CPVL: variants seen among roughly 807,000 people sequenced by gnomAD.
The protein encoded by CPVL is probable serine carboxypeptidase CPVL.
Under a neutral mutation model 63.7 loss-of-function variants are expected in CPVL, and 51 were observed. The observed-to-expected ratio is 0.80, with a 90% CI of 0.64 to 1.01. The LOEUF is 1.01. Ranked by LOEUF, CPVL falls within the 50% of genes least tolerant of loss-of-function variation. The pLI is 0.00. For synonymous variants in CPVL, 195 were observed against 206.0 expected (o/e 0.95, Z 0.46); for missense variants, 530 against 573.1 (o/e 0.92, Z 0.77).
chr7:29,020,731 C>T (rs1786878085), intron 12 of CPVL, among the ~76,000 whole-genome samples: 1 of 151,732 alleles, frequency 6.6e-6, no homozygotes, highest in African/African-American at 2.4e-5. Context: ...GGATAAAGCA[C>T]AAATTAATAA....
intron 1 of CPVL, among the ~76,000 whole-genome samples, chr7:29,127,154 C>T (rs1457043631): frequency 6.6e-6 from 1 of 152,150 alleles, no homozygotes. Context: ...ATAATATAAT[C>T]TGACACCACA....
chr7:29,085,300 C>T (rs1474443682), intron 7 of CPVL, among the ~76,000 whole-genome samples: 1 of 152,150 alleles, frequency 6.6e-6, no homozygotes, highest in Non-Finnish European at 1.5e-5. Context: ...CTAATGGGGA[C>T]CGGTCAAAAG....
rs1417889609 is a variant in CPVL, at chr7:28,995,360, CAAT to C, written c.*409_*411del. On this transcript the variant is annotated 3_prime_UTR_variant, in exon 13 of 13. Coordinates refer to ENST00000265394, the MANE Select transcript of CPVL (RefSeq NM_031311.5). ...TTGGGATAATTGAGCTATTCTTATC[CAAT>C]AATATTTCCAAACACCTTCACGGCA... 1 of 165,148 alleles carries C rather than the reference CAAT, an allele frequency of 6.1e-6. No homozygotes were observed. The highest frequency in any genetic ancestry group is 1.9e-4 in the East Asian group (1 of 5,342). 10.2% of individuals were successfully genotyped at this position (165,148 alleles called of 1,614,324 possible). A position where few individuals can be genotyped will look rare whatever the true frequency, so the allele number is the denominator to read the frequency against.
chr7:29,010,187 TA>T, intron 12 of CPVL: 1 of 152,082 alleles, frequency 6.6e-6, no homozygotes, highest in East Asian at 1.9e-4. Flanking sequence ...GGTTGCTGTA[TA>T]AAAAAATAAA....
At chr7:29,129,716 C>T (rs995113413) in intron 1 of CPVL, among the ~76,000 whole-genome samples, 11 of 152,164 alleles carry the variant, frequency 7.2e-5, no homozygotes, top group African/African-American at 2.7e-4. Flanking sequence ...AACTGCCCAC[C>T]TCGGCTTCCC....
intron 11 of CPVL, among the ~76,000 whole-genome samples, chr7:29,036,138 T>C (rs1160034538): frequency 6.6e-6 from 1 of 152,218 alleles, no homozygotes; most frequent in Non-Finnish European, 1.5e-5. Context: ...ACTGAAACCA[T>C]GAAATCCAAA....
upstream of CPVL, among the ~76,000 whole-genome samples, chr7:29,149,189 CTTTTTTTT>C (rs60520174): frequency 1.0e-5 from 1 of 100,340 alleles, no homozygotes; most frequent in Admixed American, 1.3e-4. Context: ...GTCTGTTTCC[CTTTTTTTT>C]TTTTTTTTTT....
At chr7:29,114,814 A>G (rs1186715655) in intron 2 of CPVL, among the ~76,000 whole-genome samples, 1 of 152,136 alleles carries the variant, frequency 6.6e-6, no homozygotes. Flanking sequence ...CACCTGGATT[A>G]AAAGAGCCCC....
rs573951198 is a variant in CPVL, at chr7:29,069,984, G to A, written c.864+1789C>T. 2.0e-5 allele frequency among the ~76,000 whole-genome samples: 3 copies of A among 152,038 alleles called. No individual in the cohort carries two copies. In the South Asian group the frequency reaches 6.3e-4, roughly 32 times the overall value. ...AGATTCTGACATTTATATTCCCCTG[G>A]GTTTCAGGATTTGTTGGAGTCTTCC... On this transcript the variant is annotated intron_variant, in intron 9 of 12. Coordinates refer to ENST00000265394, the MANE Select transcript of CPVL (RefSeq NM_031311.5).
intron 12 of CPVL, among the ~76,000 whole-genome samples, chr7:29,023,719 G>A (rs965654582): frequency 1.3e-5 from 2 of 152,140 alleles, no homozygotes; most frequent in East Asian, 1.9e-4. Flanking sequence ...TGAGGAACTC[G>A]AAGATACCAC....
intron 12 of CPVL, among the ~76,000 whole-genome samples, chr7:29,014,505 TA>T (rs1246639367): frequency 6.6e-6 from 1 of 151,806 alleles, no homozygotes; most frequent in African/African-American, 2.4e-5. Flanking sequence ...TTAATTCTTT[TA>T]ATTTTTTTTT....
chr7:29,081,770 T>C (rs918144086), intron 7 of CPVL, among the ~76,000 whole-genome samples: 2 of 152,168 alleles, frequency 1.3e-5, no homozygotes, highest in Non-Finnish European at 2.9e-5. Context: ...ATGGTAATAA[T>C]AGTCATCATG....
At chr7:29,061,128 C>G (rs1212577123) in intron 11 of CPVL, among the ~76,000 whole-genome samples, 1 of 152,164 alleles carries the variant, frequency 6.6e-6, no homozygotes, top group Non-Finnish European at 1.5e-5. Context: ...AAAGTTTATG[C>G]CAGACACGGT....
intron 3 of CPVL, among the ~76,000 whole-genome samples, chr7:29,102,618 A>C (rs892135422): frequency 1.8e-4 from 27 of 152,306 alleles, no homozygotes; most frequent in Admixed American, 4.6e-4. Flanking sequence ...CTAAATACTT[A>C]AGTGAGAAGT....
At chr7:29,026,864 AG>A (rs1787551749) in intron 12 of CPVL, among the ~76,000 whole-genome samples, 1 of 152,168 alleles carries the variant, frequency 6.6e-6, no homozygotes, top group Non-Finnish European at 1.5e-5. Context: ...CTCCCAACAA[AG>A]GAAAGTCTAG....
At chr7:29,032,190 G>A (rs903031529) in intron 11 of CPVL, among the ~76,000 whole-genome samples, 2 of 151,966 alleles carry the variant, frequency 1.3e-5, no homozygotes, top group African/African-American at 4.8e-5. Context: ...ATAAGTTTCC[G>A]TCTTTCCCTT....
At chr7:29,154,032 A>T (rs1245519743) in intron 5 of CPVL, among the ~76,000 whole-genome samples, 3 of 152,184 alleles carry the variant, frequency 2.0e-5, no homozygotes, top group African/African-American at 7.2e-5. Context: ...GAGAAGTCAA[A>T]AGTTATATGT....
intron 12 of CPVL, among the ~76,000 whole-genome samples, chr7:29,023,763 G>A (rs1413834182): frequency 6.6e-5 from 10 of 152,090 alleles, no homozygotes; most frequent in Admixed American, 5.9e-4. Context: ...GTCATCTGAA[G>A]ACTACATTAC....
At chr7:29,017,178 C>T (rs1786497497) in intron 12 of CPVL, among the ~76,000 whole-genome samples, 2 of 152,166 alleles carry the variant, frequency 1.3e-5, no homozygotes, top group South Asian at 2.1e-4. Flanking sequence ...TGTGCCCTGC[C>T]CCATATTCTC....
Sources: gnomAD v4.1 joint callset for allele counts (sites outside exome capture counted in the v4.1 genomes callset) on GRCh38, gnomAD v4.1.1 for gene constraint, MANE v1.5 for transcripts, NCBI Gene and HGNC (gene_info 2026-07-23, HGNC 2026-07-21) for gene names.